The following TMEM45B variants were observed in gnomAD, a reference collection of about 807,000 sequenced individuals.
The protein encoded by TMEM45B is transmembrane protein 45B.
Under a neutral mutation model 27.3 loss-of-function variants are expected in TMEM45B, and 29 were observed. The ratio of observed to expected loss-of-function variants is 1.06; its 90% CI spans 0.79 to 1.45. The LOEUF (loss-of-function observed/expected upper bound fraction) is 1.45. Ranked by LOEUF, TMEM45B falls within the 40% of genes most tolerant of loss-of-function variation. The pLI is 0.00. For synonymous variants in TMEM45B, 143 were observed against 134.7 expected (o/e 1.06, Z -0.43); for missense variants, 348 against 343.9 (o/e 1.01, Z -0.09).
At position 129,857,357 on chromosome 11, in the gene TMEM45B, C is replaced by A. The variant is rs1565375616; in HGVS notation, c.615C>A (p.Asp205Glu). 1.9e-6 allele frequency: 3 copies of A among 1,614,146 alleles called. No individual in the cohort carries two copies. Among genetic ancestry groups the A allele is most frequent in the Non-Finnish European group, 1.7e-6 (2 of 1,180,022 alleles). The change falls in exon 5 of 6, where the codon GAC (aspartate) becomes GAA (glutamate). Residue 205 changes from aspartate (D) to glutamate (E), a missense_variant. Coordinates refer to ENST00000281441, the MANE Select transcript of TMEM45B (RefSeq NM_138788.5). ...CACCTTTTGGAACACCCGAATGGGA[C>A]CAGAAGGATGATGCCAACCTCATGT... ...LFPPFGTPEW[D>E]QKDDANLMFI... is the part of the protein sequence containing the mutation.
rs542109793 is a variant in TMEM45B, at chr11:129,843,922, G to A, written c.-8-8553G>A. 7.5e-4 allele frequency among the ~76,000 whole-genome samples: 114 copies of A among 152,186 alleles called. 1 individual carries two copies. Among genetic ancestry groups the A allele is most frequent in the Admixed American group, 2.7e-3 (41 of 15,276 alleles). On this transcript the variant is annotated intron_variant, in intron 1 of 5. Transcript: ENST00000281441. ...AAAATTAAAAATAGAGCTACCCTATGATCCAGCAATTTCACTTCTGTGTAT... is the reference window on the plus strand; with the variant it reads ...AAAATTAAAAATAGAGCTACCCTATAATCCAGCAATTTCACTTCTGTGTAT...
At chr11:129,824,001 C>T (rs1005062837) in intron 1 of TMEM45B, among the ~76,000 whole-genome samples, 2 of 152,168 alleles carry the variant, frequency 1.3e-5, no homozygotes, top group African/African-American at 4.8e-5. Flanking sequence ...TACAATCTGG[C>T]ATATTTTATA....
At chr11:129,826,326 G>A (rs1046300682) in intron 1 of TMEM45B, among the ~76,000 whole-genome samples, 31 of 152,008 alleles carry the variant, frequency 2.0e-4, no homozygotes, top group Admixed American at 5.2e-4. Context: ...GAGGCGGGCG[G>A]ATCACGAGGT....
chr11:129,831,747 T>G (rs1174973775), intron 1 of TMEM45B, among the ~76,000 whole-genome samples: 1 of 152,152 alleles, frequency 6.6e-6, no homozygotes, highest in Non-Finnish European at 1.5e-5. Context: ...GACACATCCA[T>G]ACAATGGAAT....
intron 1 of TMEM45B, among the ~76,000 whole-genome samples, chr11:129,848,064 C>T (rs1238242031): frequency 7.3e-5 from 11 of 151,552 alleles, no homozygotes; most frequent in African/African-American, 2.7e-4. Flanking sequence ...CTCCTCACAT[C>T]CCAGACGATG....
At chr11:129,832,877 T>G (rs1947567532) in intron 1 of TMEM45B, among the ~76,000 whole-genome samples, 1 of 152,170 alleles carries the variant, frequency 6.6e-6, no homozygotes. Flanking sequence ...GGTTGAAATC[T>G]TTGTAGCTTG....
At chr11:129,843,733 AATAAG>A (rs1455703460) in intron 1 of TMEM45B, among the ~76,000 whole-genome samples, 3 of 152,240 alleles carry the variant, frequency 2.0e-5, no homozygotes, top group Admixed American at 6.5e-5. Context: ...TCAAAGTCAC[AATAAG>A]ATATTACCTT....
chr11:129,856,446 A>G, intron 4 of TMEM45B, among the ~76,000 whole-genome samples: 1 of 150,248 alleles, frequency 6.7e-6, no homozygotes, highest in East Asian at 2.0e-4. Context: ...CCTGAACTCG[A>G]GTGATCCGCC....
intron 1 of TMEM45B, among the ~76,000 whole-genome samples, chr11:129,832,592 G>A (rs1947563512): frequency 6.8e-6 from 1 of 146,668 alleles, no homozygotes; most frequent in African/African-American, 2.5e-5. Context: ...GATTTCGTGG[G>A]GGGTTGGTAA....
At chr11:129,822,082 TG>T (rs762898012) in intron 1 of TMEM45B, among the ~76,000 whole-genome samples, 31 of 152,226 alleles carry the variant, frequency 2.0e-4, no homozygotes, top group Non-Finnish European at 3.7e-4. Context: ...AAATATCCCA[TG>T]TTTTTTTAGT....
chr11:129,825,223 A>G (rs1947464306), intron 1 of TMEM45B, among the ~76,000 whole-genome samples: 2 of 152,160 alleles, frequency 1.3e-5, no homozygotes, highest in African/African-American at 4.8e-5. Context: ...CACAGAAGGG[A>G]AAGAGAAAAT....
rs754236065 is a variant in TMEM45B at position 129,857,334 on chromosome 11, C to G, written c.592C>G (p.Pro198Ala). 1 of 1,614,206 alleles carries G rather than the reference C, an allele frequency of 6.2e-7. No individual in the cohort carries two copies. The highest frequency in any genetic ancestry group is 8.5e-7 in the Non-Finnish European group (1 of 1,180,034). The change falls in exon 5 of 6, where the codon CCT (proline) becomes GCT (alanine). Residue 198 changes from proline to alanine, a missense_variant. Transcript: ENST00000281441. ...FWQIGFVLFP[P>A]FGTPEWDQKD... ...CTAGATTGGGTTTGTGCTGTTCCCA[C>G]CTTTTGGAACACCCGAATGGGACCA...
chr11:129,858,136 A>G (rs1947956187), intron 5 of TMEM45B, among the ~76,000 whole-genome samples: 1 of 152,174 alleles, frequency 6.6e-6, no homozygotes. Context: ...ATTTTAGCAA[A>G]TGGTATTACC....
chr11:129,815,869 C>A lies in TMEM45B; in HGVS notation c.-38C>A. On this transcript the variant is annotated 5_prime_UTR_variant, in exon 1 of 6. It adds an upstream start codon to the 5' untranslated region. Transcript: ENST00000281441. ...GGACGCACTTGGCGCGCGGCGCGGG[C>A]TGCAGACGGCTGCGAGGCGCTGGGC... The A allele has an allele frequency of 7.7e-7, 1 of 1,306,046 alleles. No individual in the cohort carries two copies. Among genetic ancestry groups the A allele is most frequent in the Non-Finnish European group, 9.7e-7 (1 of 1,035,552 alleles). The allele number at this position is 1,306,046 out of a possible 1,614,324, so 80.9% of individuals were successfully genotyped here.
chr11:129,829,914 G>T (rs1412003672), intron 1 of TMEM45B, among the ~76,000 whole-genome samples: 1 of 152,234 alleles, frequency 6.6e-6, no homozygotes, highest in African/African-American at 2.4e-5. Flanking sequence ...TAGACAAGAT[G>T]CCAAGACAAT....
chr11:129,856,419 C>T (rs1352371543), intron 4 of TMEM45B, among the ~76,000 whole-genome samples: 1 of 151,206 alleles, frequency 6.6e-6, no homozygotes, highest in Non-Finnish European at 1.5e-5. Flanking sequence ...CCATGTTGGC[C>T]AGGCTGGTCT....
chr11:129,819,599 CAG>C (rs1247531943), intron 1 of TMEM45B, among the ~76,000 whole-genome samples: 3 of 152,022 alleles, frequency 2.0e-5, no homozygotes, highest in Middle Eastern at 6.8e-3. Context: ...TCTTTTGACT[CAG>C]AGTCTCTCTC....
chr11:129,836,795 G>A (rs989088685), intron 1 of TMEM45B, among the ~76,000 whole-genome samples: 3 of 152,100 alleles, frequency 2.0e-5, no homozygotes, highest in Non-Finnish European at 4.4e-5. Context: ...CTAGCAACCA[G>A]TGTATGTGGT....
In TMEM45B at chr11:129,857,355, G is replaced by C; in HGVS notation, c.613G>C (p.Asp205His). The C allele has an allele frequency of 6.2e-7, 1 of 1,614,150 alleles. No homozygotes were observed. The highest frequency in any genetic ancestry group is 8.5e-7 in the Non-Finnish European group (1 of 1,180,016). ...LFPPFGTPEW[D>H]QKDDANLMFI... is the part of the protein sequence containing the mutation. ...CCCACCTTTTGGAACACCCGAATGG[G>C]ACCAGAAGGATGATGCCAACCTCAT... Residue 205 changes from aspartate (D) to histidine (H), a missense_variant, in exon 5 of 6, where the codon GAC becomes CAC. Coordinates refer to ENST00000281441, the MANE Select transcript of TMEM45B (RefSeq NM_138788.5).
Sources: gnomAD v4.1 joint callset for allele counts (sites outside exome capture counted in the v4.1 genomes callset) on GRCh38, gnomAD v4.1.1 for gene constraint, MANE v1.5 for transcripts, NCBI Gene and HGNC (gene_info 2026-07-23, HGNC 2026-07-21) for gene names.